The following WWP1 variants were observed in gnomAD, a reference collection of about 807,000 sequenced individuals.
WWP1 encodes WW domain containing E3 ubiquitin protein ligase 1.
A neutral mutation model predicts 130.6 loss-of-function variants in WWP1; 49 were observed. That is an observed-to-expected ratio of 0.38 (90% CI 0.30 to 0.48). WWP1 has a LOEUF of 0.48. Ranked by LOEUF, WWP1 falls within the 20% of genes least tolerant of loss-of-function variation. The pLI is 0.99. For missense variants in WWP1, 809 were observed against 1,100.6 expected (o/e 0.74, Z 3.75); for synonymous variants, 332 against 367.8 (o/e 0.90, Z 1.11).
chr8:86,406,927 T>C (rs1349311779), intron 8 of WWP1, among the ~76,000 whole-genome samples: 1 of 152,248 alleles, frequency 6.6e-6, no homozygotes, highest in Non-Finnish European at 1.5e-5. Flanking sequence ...TTTATTTGAA[T>C]GTACTTTTAG....
chr8:86,442,486 G>C, intron 17 of WWP1, 133 bp from the exon 18 acceptor site: 1 of 800,276 alleles, frequency 1.2e-6, no homozygotes, highest in African/African-American at 1.8e-5. Context: ...TTGGATAGAG[G>C]GCCAAAGAAT....
In WWP1 at chr8:86,467,479, A is replaced by C. The variant is rs570067572; in HGVS notation, c.*586A>C. The C allele has an allele frequency of 6.6e-6, 1 of 152,620 alleles. No homozygotes were observed. Among genetic ancestry groups the C allele is most frequent in the African/African-American group, 2.4e-5 (1 of 41,526 alleles). The allele number at this position is 152,620 out of a possible 1,614,324, so 9.5% of individuals were successfully genotyped here. ...GTTTTAAATAAATACAATAGTTGAA[A>C]ATTTTTCTCTGTTACATCAGTAATA... On this transcript the variant is annotated 3_prime_UTR_variant, in exon 25 of 25. Transcript: ENST00000517970.
chr8:86,413,020 G>A (rs1302401793), intron 9 of WWP1, among the ~76,000 whole-genome samples: 1 of 152,044 alleles, frequency 6.6e-6, no homozygotes, highest in African/African-American at 2.4e-5. Flanking sequence ...GTAGAGACGG[G>A]GTTTTTCCAT....
intron 21 of WWP1, among the ~76,000 whole-genome samples, chr8:86,457,207 T>G (rs370359814): frequency 1.3e-5 from 2 of 151,992 alleles, no homozygotes; most frequent in East Asian, 3.8e-4. Context: ...AAAATAATGT[T>G]CATTTCATAC....
intron 8 of WWP1, among the ~76,000 whole-genome samples, chr8:86,408,156 T>TA (rs1808386235): frequency 6.6e-6 from 1 of 152,210 alleles, no homozygotes; most frequent in Non-Finnish European, 1.5e-5. Context: ...GTGGGTAGCC[T>TA]TTTCAGATTG....
intron 5 of WWP1, among the ~76,000 whole-genome samples, chr8:86,391,539 A>G (rs1341172179): frequency 6.6e-6 from 1 of 152,170 alleles, no homozygotes; most frequent in Admixed American, 6.5e-5. Flanking sequence ...ATTGTTACAG[A>G]TAAACAAAGC....
At chr8:86,392,535 C>T (rs995834715) in intron 5 of WWP1, among the ~76,000 whole-genome samples, 4 of 152,026 alleles carry the variant, frequency 2.6e-5, no homozygotes, top group Admixed American at 1.3e-4. Context: ...AAGTTCAATT[C>T]GAAGTAAATT....
chr8:86,455,533 G>A (rs1811386307), intron 21 of WWP1, among the ~76,000 whole-genome samples: 1 of 151,878 alleles, frequency 6.6e-6, no homozygotes, highest in East Asian at 1.9e-4. Flanking sequence ...ATTAGCAACA[G>A]ACACTTAAAA....
chr8:86,390,104 G>A (rs916053280), intron 5 of WWP1, among the ~76,000 whole-genome samples: 6 of 150,978 alleles, frequency 4.0e-5, no homozygotes, highest in African/African-American at 4.9e-5. Flanking sequence ...ACGGAGCGGC[G>A]GGGCAGAGGC....
At chr8:86,364,758 A>C (rs1159799312) in intron 1 of WWP1, among the ~76,000 whole-genome samples, 1 of 151,470 alleles carries the variant, frequency 6.6e-6, no homozygotes, top group Admixed American at 6.6e-5. Context: ...GTGAGCCATG[A>C]TTATGCCACT....
At chr8:86,405,655 C>T (rs1038908177) in intron 8 of WWP1, among the ~76,000 whole-genome samples, 2 of 152,142 alleles carry the variant, frequency 1.3e-5, no homozygotes, top group Non-Finnish European at 2.9e-5. Context: ...CCTTAGCCCC[C>T]TGAATAGTTG....
intron 5 of WWP1, among the ~76,000 whole-genome samples, chr8:86,395,280 T>C (rs977496724): frequency 6.6e-6 from 1 of 152,210 alleles, no homozygotes; most frequent in Non-Finnish European, 1.5e-5. Flanking sequence ...AGGCCGCATA[T>C]GGTTTCTGTT....
intron 16 of WWP1, among the ~76,000 whole-genome samples, chr8:86,437,058 G>T (rs138960448): frequency 7.9e-5 from 12 of 152,048 alleles, no homozygotes; most frequent in African/African-American, 2.7e-4. Context: ...ATTCATGGTA[G>T]ACTTTATTTT....
chr8:86,403,955 G>A (rs1005151037), intron 8 of WWP1, among the ~76,000 whole-genome samples: 4 of 152,096 alleles, frequency 2.6e-5, no homozygotes, highest in African/African-American at 9.7e-5. Context: ...AAGCAGAAAA[G>A]GAAATATTGT....
chr8:86,435,997 C>T (rs1810269947), intron 16 of WWP1, among the ~76,000 whole-genome samples: 1 of 152,156 alleles, frequency 6.6e-6, no homozygotes, highest in Admixed American at 6.5e-5. Flanking sequence ...CTGCATCTGG[C>T]CTGAGTGCCC....
chr8:86,442,625 G>T lies in WWP1; in HGVS notation c.1845G>T (p.Trp615Cys), dbSNP rs138176494. ...TTGACTTATTTTCTTATAGAGAATGGTTTTTCTTGCTTTCACATGAAGTTT... is the reference window on the plus strand; with the variant it reads ...TTGACTTATTTTCTTATAGAGAATGTTTTTTCTTGCTTTCACATGAAGTTT... ...GLDYGGLARE[W>C]FFLLSHEVLN... The change falls in exon 18 of 25, where the codon TGG becomes TGT. Residue 615 changes from tryptophan (W) to cysteine (C), a missense_variant. Trp to Cys is a radical substitution (Grantham distance 215, BLOSUM62 -2). Transcript: ENST00000517970. The T allele has an allele frequency of 1.3e-5, 20 of 1,591,798 alleles. No individual in the cohort carries two copies. The highest frequency in any genetic ancestry group is 1.7e-5 in the Non-Finnish European group (20 of 1,171,822).
Position 86,433,591 on chromosome 8 carries a change from T to C in WWP1, c.1601+1848T>C, listed in dbSNP as rs1212247236. Among the ~76,000 whole-genome samples, 3 of 151,890 alleles carry C rather than the reference T, an allele frequency of 2.0e-5. No homozygotes were observed. The East Asian group carries it at 5.8e-4, about 29-fold the overall frequency. On this transcript the variant is annotated intron_variant, in intron 14 of 24. Transcript: ENST00000517970. The stretch of plus-strand genomic sequence containing the variant: ...AACAACAACAACAAAAACCCAGCTC[T>C]ACCTGTGATATTCCCTGTCACAGTT...
chr8:86,361,993 CATATATAT>C lies in WWP1; in HGVS notation c.-114-6944_-114-6937del, dbSNP rs1563465152. Among the ~76,000 whole-genome samples the C allele has an allele frequency of 2.3e-4, 28 of 119,216 alleles. 1 individual carries two copies. The highest frequency in any genetic ancestry group is 4.9e-4 in the Non-Finnish European group (26 of 53,350). The allele number at this position is 119,216 out of a possible 152,430, so 78.2% of individuals were successfully genotyped here. A position where few individuals can be genotyped will look rare whatever the true frequency, so the allele number is the denominator to read the frequency against. On this transcript the variant is annotated intron_variant, in intron 1 of 24. Transcript: ENST00000517970. ...GTGTGTGTATATATATATATATATA[CATATATAT>C]ACACACATATATATATACACATATA...
At chr8:86,392,764 A>AG (rs1296666723) in intron 5 of WWP1, among the ~76,000 whole-genome samples, 1 of 133,168 alleles carries the variant, frequency 7.5e-6, no homozygotes, top group Non-Finnish European at 1.8e-5. Context: ...CTTACTATCA[A>AG]CACAAACTCA....
Sources: gnomAD v4.1 joint callset for allele counts (sites outside exome capture counted in the v4.1 genomes callset) on GRCh38, gnomAD v4.1.1 for gene constraint, MANE v1.5 for transcripts, NCBI Gene and HGNC (gene_info 2026-07-23, HGNC 2026-07-21) for gene names.